Variants in JAK2 observed in about 807,000 individuals in gnomAD.
JAK2 encodes Janus kinase 2.
Under a neutral mutation model 139.3 loss-of-function variants are expected in JAK2, and 86 were observed. That is an observed-to-expected ratio of 0.62 (90% CI 0.52 to 0.74). The LOEUF (loss-of-function observed/expected upper bound fraction) is 0.74. JAK2 is among the 30% of genes least tolerant of loss of function. JAK2 has a pLI of 0.00. For missense variants in JAK2, 1,421 were observed against 1,360.3 expected (o/e 1.04, Z -0.70); for synonymous variants, 490 against 437.7 (o/e 1.12, Z -1.49).
At chr9:5,124,326 G>C (rs753052460) in intron 23 of JAK2, among the ~76,000 whole-genome samples, 5 of 151,106 alleles carry the variant, frequency 3.3e-5, no homozygotes, top group African/African-American at 4.9e-5. Flanking sequence ...TTTTTTTCTA[G>C]TATTTTTCTA....
chr9:5,062,335 G>C (rs1288265278), intron 8 of JAK2, among the ~76,000 whole-genome samples: 1 of 151,556 alleles, frequency 6.6e-6, no homozygotes, highest in Admixed American at 6.6e-5. Flanking sequence ...TTACATCAAA[G>C]GTCATTGATC....
chr9:4,987,508 G>A (rs957782831), intron 2 of JAK2, among the ~76,000 whole-genome samples: 1 of 152,138 alleles, frequency 6.6e-6, no homozygotes, highest in African/African-American at 2.4e-5. Flanking sequence ...GGCTGAGGAA[G>A]GAGGATCACT....
At position 5,123,102 on chromosome 9, in the gene JAK2, A is replaced by G. The variant is rs142094756; in HGVS notation, c.3158A>G (p.Lys1053Arg). ...VLYELFTYIE[K>R]SKSPPAEFMR... ...TATGAACTTTTCACATACATTGAGA[A>G]GAGTAAAAGTCCACCAGCGGTCAGT... is the stretch of plus-strand genomic sequence containing the variant. The change falls in exon 23 of 25, where the codon AAG becomes AGG. Residue 1053 changes from lysine to arginine, a missense_variant. Lys to Arg is a conservative substitution (Grantham distance 26). Transcript: ENST00000381652. 35 of 1,602,880 alleles carry G rather than the reference A, an allele frequency of 2.2e-5. No homozygotes were observed. In the African/African-American group the frequency reaches 4.4e-4, roughly 20 times the overall value.
At chr9:5,098,514 C>T (rs143847408) in intron 22 of JAK2, 81 of 152,198 alleles carry the variant, frequency 5.3e-4, no homozygotes, top group African/African-American at 1.8e-3. Flanking sequence ...CACAGATGCC[C>T]AAGAAATTGA....
chr9:5,116,914 CAG>C (rs1823237782), intron 22 of JAK2, among the ~76,000 whole-genome samples: 1 of 152,302 alleles, frequency 6.6e-6, no homozygotes, highest in East Asian at 1.9e-4. Context: ...GAAAACATAA[CAG>C]TACAAATAAT....
chr9:5,021,821 T>A (rs1351941590), intron 2 of JAK2, 142 bp from the exon 3 acceptor site: 5 of 585,020 alleles, frequency 8.5e-6, no homozygotes, highest in Admixed American at 3.1e-5. Flanking sequence ...TTTGTAGAGA[T>A]GAGGTTTCAC....
chr9:5,078,578 G>T, intron 16 of JAK2, 134 bp downstream of exon 16: 3 of 698,430 alleles, frequency 4.3e-6, no homozygotes, highest in South Asian at 2.5e-5. Flanking sequence ...ATCACTTTTA[G>T]CAATTTAAAT....
Position 5,090,892 on chromosome 9 carries a change from G to T in JAK2, c.3040G>T (p.Gly1014Cys), listed in dbSNP as rs1820521405. 1.2e-6 allele frequency: 2 copies of T among 1,603,474 alleles called. No homozygotes were observed. Among genetic ancestry groups the T allele is most frequent in the Admixed American group, 3.5e-5 (2 of 57,524 alleles). Residue 1014 changes from glycine to cysteine, a missense_variant, in exon 22 of 25, where the codon GGT becomes TGT. Transcript: ENST00000381652. Reference protein sequence around the residue: ...DKEYYKVKEPGESPIFWYAPE... With the variant: ...DKEYYKVKEPCESPIFWYAPE... ...AGAATACTATAAAGTAAAAGAACCT[G>T]GTGAAAGTCCCATATTCTGGTGAGT...
chr9:5,019,170 T>A (rs1000357447), intron 2 of JAK2, among the ~76,000 whole-genome samples: 1 of 152,192 alleles, frequency 6.6e-6, no homozygotes, highest in Non-Finnish European at 1.5e-5. Flanking sequence ...ATTTTCATTG[T>A]CTTCTAGAAT....
chr9:5,112,010 G>C (rs1357182864), intron 22 of JAK2: 1 of 395,644 alleles, frequency 2.5e-6, no homozygotes, highest in East Asian at 7.3e-5. Context: ...CGTCGCACTA[G>C]CCTGGAGCAG....
At chr9:5,095,094 T>C (rs1400033726) in intron 22 of JAK2, 1 of 152,080 alleles carries the variant, frequency 6.6e-6, no homozygotes, top group Non-Finnish European at 1.5e-5. Flanking sequence ...TCTGGAACTA[T>C]AGGAATTGAA....
At chr9:4,996,983 A>G (rs940812800) in intron 2 of JAK2, among the ~76,000 whole-genome samples, 1 of 141,352 alleles carries the variant, frequency 7.1e-6, no homozygotes, top group African/African-American at 2.7e-5. Context: ...GCTGGAGGAC[A>G]GTGGCTCGAT....
At chr9:5,094,780 GACT>G (rs1454238102) in intron 22 of JAK2, 7 of 152,164 alleles carry the variant, frequency 4.6e-5, no homozygotes, top group Non-Finnish European at 1.0e-4. Context: ...TAAATGCCCT[GACT>G]ACTACTATTT....
At position 5,089,788 on chromosome 9, in the gene JAK2, G is replaced by A. The variant is rs1431982074; in HGVS notation, c.2686G>A (p.Glu896Lys). 6.3e-7 allele frequency: 1 copy of A among 1,599,976 alleles called. No individual in the cohort carries two copies. The highest frequency in any genetic ancestry group is 8.5e-7 in the Non-Finnish European group (1 of 1,173,354). Residue 896 changes from glutamate (E) to lysine (K), a missense_variant, in exon 20 of 25, where the codon GAA (glutamate) becomes AAA (lysine). Coordinates refer to ENST00000381652, the MANE Select transcript of JAK2 (RefSeq NM_004972.4). ...TACTGAAGAGCACCTAAGAGACTTTGAAAGGGAAATTGAAATCCTGAAATC... is the reference window on the plus strand; with the variant it reads ...TACTGAAGAGCACCTAAGAGACTTTAAAAGGGAAATTGAAATCCTGAAATC... The part of the protein sequence containing the change: ...HSTEEHLRDF[E>K]REIEILKSLQ...
chr9:5,113,424 TAAAAAAAAAA>T (rs35820131), intron 22 of JAK2: 50 of 114,114 alleles, frequency 4.4e-4, no homozygotes, highest in South Asian at 5.7e-4. Flanking sequence ...ATTAGTTATT[TAAAAAAAAAA>T]AAAAAAAAAA....
At chr9:5,030,143 C>A (rs995548660) in intron 4 of JAK2, among the ~76,000 whole-genome samples, 7 of 152,072 alleles carry the variant, frequency 4.6e-5, no homozygotes, top group African/African-American at 1.7e-4. Flanking sequence ...CACTTAACTC[C>A]TTATGATTAT....
intron 22 of JAK2, chr9:5,111,327 C>T (rs945737762): frequency 4.5e-6 from 2 of 440,204 alleles, no homozygotes; most frequent in East Asian, 5.4e-5. Flanking sequence ...ACCCCTGTCC[C>T]CCTCAGGCAT....
At chr9:5,122,413 C>A (rs960857016) in intron 22 of JAK2, among the ~76,000 whole-genome samples, 1 of 152,038 alleles carries the variant, frequency 6.6e-6, no homozygotes, top group Non-Finnish European at 1.5e-5. Flanking sequence ...GCCTTGGAAC[C>A]AATTTTTTTC....
intron 22 of JAK2, chr9:5,109,750 C>G (rs867834295): frequency 6.6e-6 from 1 of 152,148 alleles, no homozygotes; most frequent in South Asian, 2.1e-4. Flanking sequence ...AATATTTATT[C>G]TAGTAGCACT....
Sources: gnomAD v4.1 joint callset for allele counts (sites outside exome capture counted in the v4.1 genomes callset) on GRCh38, gnomAD v4.1.1 for gene constraint, MANE v1.5 for transcripts, NCBI Gene and HGNC (gene_info 2026-07-23, HGNC 2026-07-21) for gene names.